The following DGKB variants were observed in gnomAD, a reference collection of about 807,000 sequenced individuals.
DGKB encodes diacylglycerol kinase beta.
In DGKB, 67 loss-of-function variants were observed where a neutral mutation model predicts 114.3. The ratio of observed to expected loss-of-function variants is 0.59; its 90% CI spans 0.48 to 0.72. DGKB has a LOEUF of 0.72. DGKB is among the 30% of genes least tolerant of loss of function. DGKB has a pLI of 0.00. For missense variants in DGKB, 907 were observed against 975.2 expected (o/e 0.93, Z 0.93); for synonymous variants, 398 against 323.1 (o/e 1.23, Z -2.49).
chr7:14,376,155 C>T (rs12699609), intron 21 of DGKB, among the ~76,000 whole-genome samples: 71,317 of 151,906 alleles, frequency 0.47, 19,034 homozygotes, highest in East Asian at 0.61. Context: ...AGGTAGACAA[C>T]CAGCTTGCAC....
At chr7:14,472,661 A>G (rs1345860731) in intron 21 of DGKB, among the ~76,000 whole-genome samples, 1 of 152,174 alleles carries the variant, frequency 6.6e-6, no homozygotes, top group African/African-American at 2.4e-5. Context: ...AATGAGGGAA[A>G]GTTTGGAGCT....
At chr7:14,751,830 G>A (rs1834167021) in intron 4 of DGKB, among the ~76,000 whole-genome samples, 1 of 152,176 alleles carries the variant, frequency 6.6e-6, no homozygotes, top group Admixed American at 6.5e-5. Context: ...AATAGAATTT[G>A]TTGGTGGTAT....
chr7:14,206,451 C>G (rs1786834997), intron 23 of DGKB, among the ~76,000 whole-genome samples: 1 of 151,960 alleles, frequency 6.6e-6, no homozygotes, highest in Admixed American at 6.6e-5. Context: ...CTTAAATCTA[C>G]CTAGAAACCG....
intron 17 of DGKB, among the ~76,000 whole-genome samples, chr7:14,584,151 T>G (rs540391554): frequency 6.6e-6 from 1 of 151,842 alleles, no homozygotes; most frequent in Admixed American, 6.5e-5. Flanking sequence ...GTATATAACA[T>G]ATGCATATGT....
At chr7:14,359,142 A>G (rs1815197077) in intron 21 of DGKB, among the ~76,000 whole-genome samples, 1 of 152,184 alleles carries the variant, frequency 6.6e-6, no homozygotes, top group South Asian at 2.1e-4. Context: ...GGAACAGAAC[A>G]GAGGCCTGAG....
At chr7:14,507,679 G>A (rs769061814) in intron 20 of DGKB, among the ~76,000 whole-genome samples, 11 of 152,090 alleles carry the variant, frequency 7.2e-5, no homozygotes, top group Non-Finnish European at 1.6e-4. Context: ...CCTGAAGCAG[G>A]CTTTCCTCAT....
chr7:14,868,339 C>CA (rs1554316943), intron 1 of DGKB, among the ~76,000 whole-genome samples: 15 of 80,862 alleles, frequency 1.9e-4, no homozygotes, highest in Non-Finnish European at 3.1e-4. Flanking sequence ...CTTTCCTTTT[C>CA]ATTTTTTTTT....
At chr7:14,840,739 CACACACCT>C (rs944017836) in intron 2 of DGKB, among the ~76,000 whole-genome samples, 1 of 143,478 alleles carries the variant, frequency 7.0e-6, no homozygotes, top group African/African-American at 2.7e-5. Flanking sequence ...CACACACACA[CACACACCT>C]CTCCCTTTTC....
At chr7:14,784,996 T>G (rs1168643727) in intron 2 of DGKB, among the ~76,000 whole-genome samples, 1 of 152,226 alleles carries the variant, frequency 6.6e-6, no homozygotes. Flanking sequence ...ACTAAGGTTA[T>G]GTATGTATCA....
chr7:14,626,957 T>C (rs958314096), intron 14 of DGKB, among the ~76,000 whole-genome samples: 1 of 152,148 alleles, frequency 6.6e-6, no homozygotes, highest in Non-Finnish European at 1.5e-5. Flanking sequence ...GGGCAAGTTA[T>C]TTACCATTGC....
At chr7:14,731,832 C>T (rs1452039550) in intron 5 of DGKB, among the ~76,000 whole-genome samples, 2 of 152,098 alleles carry the variant, frequency 1.3e-5, no homozygotes, top group Non-Finnish European at 1.5e-5. Flanking sequence ...AGATTAGAGA[C>T]CTGACATTTG....
At chr7:14,933,371 T>G (rs1587408732) in intron 1 of DGKB, among the ~76,000 whole-genome samples, 1 of 152,204 alleles carries the variant, frequency 6.6e-6, no homozygotes, top group South Asian at 2.1e-4. Context: ...GTTCCTCTCT[T>G]AAATCTGATG....
chr7:14,174,258 T>C (rs1781409947), intron 25 of DGKB, among the ~76,000 whole-genome samples: 1 of 152,210 alleles, frequency 6.6e-6, no homozygotes, highest in Non-Finnish European at 1.5e-5. Context: ...TCTACTTTGC[T>C]ATTTATTAGC....
chr7:14,910,294 G>C (rs1031468996), intron 1 of DGKB, among the ~76,000 whole-genome samples: 4 of 126,680 alleles, frequency 3.2e-5, no homozygotes, highest in Admixed American at 2.6e-4. Flanking sequence ...AAGAAAGAAA[G>C]AAAGAAAGAA....
At chr7:14,694,683 C>T (rs1252303298) in intron 8 of DGKB, among the ~76,000 whole-genome samples, 1 of 152,054 alleles carries the variant, frequency 6.6e-6, no homozygotes, top group Non-Finnish European at 1.5e-5. Flanking sequence ...AATTAAACTT[C>T]GTTTCTAAAG....
chr7:14,152,947 G>C (rs1439761858), intron 25 of DGKB, among the ~76,000 whole-genome samples: 2 of 151,948 alleles, frequency 1.3e-5, no homozygotes, highest in African/African-American at 4.8e-5. Context: ...CCACCTCTTT[G>C]AGCTGCCCTC....
At chr7:14,290,693 T>A (rs1801620283) in intron 23 of DGKB, among the ~76,000 whole-genome samples, 1 of 152,128 alleles carries the variant, frequency 6.6e-6, no homozygotes, top group African/African-American at 2.4e-5. Flanking sequence ...AAGAGTCTCA[T>A]GCCATGATGA....
chr7:14,418,224 A>C (rs1329982020), intron 21 of DGKB, among the ~76,000 whole-genome samples: 2 of 140,158 alleles, frequency 1.4e-5, no homozygotes, highest in African/African-American at 5.1e-5. Flanking sequence ...TATATTATAT[A>C]TGTACATATA....
intron 4 of DGKB, among the ~76,000 whole-genome samples, chr7:14,739,438 C>G (rs1832222432): frequency 6.6e-6 from 1 of 152,156 alleles, no homozygotes; most frequent in Non-Finnish European, 1.5e-5. Context: ...TGTGTGGTGG[C>G]CTGGTATTCA....
Sources: allele counts gnomAD v4.1 joint callset (sites outside exome capture counted in the v4.1 genomes callset), GRCh38; gene constraint gnomAD v4.1.1; transcripts MANE v1.5; gene names NCBI Gene and HGNC (gene_info 2026-07-23, HGNC 2026-07-21).